The following CNBD1 variants were observed in gnomAD, a reference collection of about 807,000 sequenced individuals.
CNBD1 encodes cyclic nucleotide-binding domain-containing protein 1.
In CNBD1, 71 loss-of-function variants were observed where a neutral mutation model predicts 54.4. That is an observed-to-expected ratio of 1.30 (90% CI 1.08 to 1.59). CNBD1 has a LOEUF of 1.59. Ranked by LOEUF, CNBD1 falls within the 40% of genes most tolerant of loss-of-function variation. The pLI is 0.00. For synonymous variants in CNBD1, 182 were observed against 170.7 expected (o/e 1.07, Z -0.51); for missense variants, 659 against 518.0 (o/e 1.27, Z -2.64).
chr8:87,137,424 C>T (rs868193797), intron 4 of CNBD1, among the ~76,000 whole-genome samples: 6 of 151,590 alleles, frequency 4.0e-5, no homozygotes, highest in African/African-American at 1.5e-4. Context: ...GGATGATCTC[C>T]ATCTCCTGAC....
chr8:87,109,173 A>G lies in CNBD1; in HGVS notation c.432-96820A>G, dbSNP rs1274045220. The stretch of plus-strand genomic sequence containing the variant: ...CATCTCACCACCGGGAAATAATTTT[A>G]TATTGTTTCTTATTGAGGGAAAAAA... On this transcript the variant is annotated intron_variant, in intron 4 of 10. Coordinates refer to ENST00000518476, the MANE Select transcript of CNBD1 (RefSeq NM_173538.3). 2.6e-5 allele frequency among the ~76,000 whole-genome samples: 4 copies of G among 152,278 alleles called. No individual in the cohort carries two copies. In the South Asian group the frequency reaches 6.2e-4, roughly 24 times the overall value.
intron 8 of CNBD1, among the ~76,000 whole-genome samples, chr8:87,288,838 T>C (rs964849282): frequency 3.3e-5 from 5 of 152,100 alleles, no homozygotes; most frequent in Non-Finnish European, 7.4e-5. Context: ...ATATTTAACC[T>C]CCTTAGAGAA....
intron 2 of CNBD1, among the ~76,000 whole-genome samples, chr8:87,403,923 C>A (rs1807608813): frequency 6.6e-6 from 1 of 152,030 alleles, no homozygotes; most frequent in African/African-American, 2.4e-5. Flanking sequence ...ATGTGATTTG[C>A]TTACAAATAG....
At chr8:87,030,718 G>A (rs1279374560) in intron 4 of CNBD1, among the ~76,000 whole-genome samples, 2 of 152,070 alleles carry the variant, frequency 1.3e-5, no homozygotes, top group African/African-American at 4.8e-5. Context: ...AGCAGGATGT[G>A]CAGTGATTCA....
At chr8:87,126,826 T>C (rs908643449) in intron 4 of CNBD1, among the ~76,000 whole-genome samples, 1 of 151,948 alleles carries the variant, frequency 6.6e-6, no homozygotes, top group Non-Finnish European at 1.5e-5. Flanking sequence ...TGGTGTGAGC[T>C]GTGGGTTGAA....
At chr8:87,384,431 G>A (rs542984562), downstream of CNBD1, among the ~76,000 whole-genome samples, 2 of 152,184 alleles carry the variant, frequency 1.3e-5, no homozygotes, top group African/African-American at 2.4e-5. Flanking sequence ...TCAGGCAGTG[G>A]TAAGTGCTCT....
intron 2 of CNBD1, among the ~76,000 whole-genome samples, chr8:87,401,971 C>A (rs979047612): frequency 6.6e-6 from 1 of 151,890 alleles, no homozygotes; most frequent in Non-Finnish European, 1.5e-5. Context: ...TGTATTAGTT[C>A]ATTTTCATAC....
intron 4 of CNBD1, among the ~76,000 whole-genome samples, chr8:87,099,915 G>A (rs73281271): frequency 3.9e-5 from 6 of 152,122 alleles, no homozygotes; most frequent in Admixed American, 3.9e-4. Context: ...TTCTGTGTCC[G>A]TATGCTTGTG....
At chr8:87,032,242 C>T (rs868559748) in intron 4 of CNBD1, among the ~76,000 whole-genome samples, 4 of 152,132 alleles carry the variant, frequency 2.6e-5, no homozygotes, top group South Asian at 2.1e-4. Flanking sequence ...GGGGTAGGGG[C>T]GTTGACCACC....
intron 4 of CNBD1, among the ~76,000 whole-genome samples, chr8:87,187,456 T>C (rs1184963207): frequency 6.8e-6 from 1 of 147,962 alleles, no homozygotes; most frequent in Non-Finnish European, 1.5e-5. Context: ...ATAATATATT[T>C]CATATATCCT....
At chr8:87,339,971 T>C (rs1293431915) in intron 8 of CNBD1, among the ~76,000 whole-genome samples, 1 of 152,204 alleles carries the variant, frequency 6.6e-6, no homozygotes, top group Non-Finnish European at 1.5e-5. Flanking sequence ...ATAGTAATCT[T>C]TACCTGTGAT....
intron 3 of CNBD1, among the ~76,000 whole-genome samples, chr8:86,907,747 T>C (rs1032385234): frequency 4.0e-5 from 6 of 151,858 alleles, no homozygotes; most frequent in African/African-American, 7.3e-5. Context: ...ATTAAGAAAA[T>C]TGTGAATTTT....
intron 10 of CNBD1, among the ~76,000 whole-genome samples, chr8:87,365,823 A>G (rs745953608): frequency 2.0e-5 from 3 of 152,104 alleles, no homozygotes; most frequent in Non-Finnish European, 4.4e-5. Flanking sequence ...TAACTGGTTT[A>G]TTGAATAATT....
chr8:87,428,201 G>C (rs1489872300), intron 2 of CNBD1, among the ~76,000 whole-genome samples: 2 of 151,706 alleles, frequency 1.3e-5, no homozygotes, highest in Non-Finnish European at 2.9e-5. Context: ...CAAATATCTA[G>C]TGTTTCAGCC....
At position 86,953,153 on chromosome 8, in the gene CNBD1, T is replaced by C. The variant is rs181032476; in HGVS notation, c.431+13399T>C. On this transcript the variant is annotated intron_variant, in intron 4 of 10. Coordinates refer to ENST00000518476, the MANE Select transcript of CNBD1 (RefSeq NM_173538.3). The stretch of plus-strand genomic sequence containing the variant: ...ATATGTTGATGAACATTTGTGGCTA[T>C]TATGAATGAAGCTGCCATGAACATT... Among the ~76,000 whole-genome samples the C allele has an allele frequency of 4.5e-3, 679 of 152,338 alleles. 3 individuals are homozygous for C. The highest frequency in any genetic ancestry group is 0.016 in the African/African-American group (653 of 41,576).
At chr8:87,242,259 A>G (rs554992327) in intron 6 of CNBD1, among the ~76,000 whole-genome samples, 2 of 152,288 alleles carry the variant, frequency 1.3e-5, no homozygotes, top group South Asian at 2.1e-4. Context: ...GGGAAAATCA[A>G]TATTCTATAG....
At chr8:87,229,800 A>G (rs1297089527) in intron 5 of CNBD1, among the ~76,000 whole-genome samples, 1 of 152,144 alleles carries the variant, frequency 6.6e-6, no homozygotes, top group Non-Finnish European at 1.5e-5. Context: ...AAAAACTTTT[A>G]TTTTCAAATT....
At chr8:86,964,811 G>T (rs1423491098) in intron 4 of CNBD1, among the ~76,000 whole-genome samples, 1 of 152,170 alleles carries the variant, frequency 6.6e-6, no homozygotes, top group Non-Finnish European at 1.5e-5. Context: ...GACCCTTGCA[G>T]CCTCTCCTGA....
chr8:87,368,554 CTTGAGCCAGGAGT>C (rs1586052549), intron 10 of CNBD1, among the ~76,000 whole-genome samples: 1 of 151,520 alleles, frequency 6.6e-6, no homozygotes, highest in Admixed American at 6.6e-5. Flanking sequence ...AGGAGGATCC[CTTGAGCCAGGAGT>C]TTGAGGCTGC....
Sources: gnomAD v4.1 joint callset for allele counts (sites outside exome capture counted in the v4.1 genomes callset) on GRCh38, gnomAD v4.1.1 for gene constraint, MANE v1.5 for transcripts, NCBI Gene and HGNC (gene_info 2026-07-23, HGNC 2026-07-21) for gene names.